The following TGM6 variants were observed in gnomAD, a reference collection of about 807,000 sequenced individuals.
The protein encoded by TGM6 is transglutaminase 6, also known as protein-glutamine gamma-glutamyltransferase 6.
In TGM6, 74 loss-of-function variants were observed where a neutral mutation model predicts 77.5. The ratio of observed to expected loss-of-function variants is 0.96; its 90% CI spans 0.79 to 1.16. The LOEUF (loss-of-function observed/expected upper bound fraction) is 1.16. Among genes scored for constraint, TGM6 ranks in the 50% most tolerant of loss-of-function variants. The pLI is 0.00. For synonymous variants in TGM6, 383 were observed against 378.9 expected (o/e 1.01, Z -0.12); for missense variants, 968 against 940.2 (o/e 1.03, Z -0.39).
intron 9 of TGM6, among the ~76,000 whole-genome samples, chr20:2,415,895 C>T (rs1291776364): frequency 1.3e-5 from 2 of 152,092 alleles, no homozygotes; most frequent in African/African-American, 4.8e-5. Context: ...AGTGGTGTAT[C>T]AGGGGCCCTA....
intron 9 of TGM6, among the ~76,000 whole-genome samples, chr20:2,411,399 T>C (rs899562312): frequency 5.3e-5 from 8 of 151,996 alleles, no homozygotes; most frequent in African/African-American, 1.9e-4. Context: ...CAAAATAACA[T>C]GATCATCTCA....
intron 10 of TGM6, among the ~76,000 whole-genome samples, chr20:2,427,901 A>C (rs1339247673): frequency 6.6e-6 from 1 of 152,166 alleles, no homozygotes; most frequent in African/African-American, 2.4e-5. Flanking sequence ...GACTACAGGC[A>C]CGTGCCCACA....
chr20:2,424,050 C>T (rs1002680711), intron 10 of TGM6, among the ~76,000 whole-genome samples: 7 of 152,176 alleles, frequency 4.6e-5, no homozygotes, highest in African/African-American at 1.7e-4. Flanking sequence ...ATCCTGGCTT[C>T]GTTGTTCCTT....
At chr20:2,390,882 A>C (rs1376465303) in intron 1 of TGM6, among the ~76,000 whole-genome samples, 1 of 152,116 alleles carries the variant, frequency 6.6e-6, no homozygotes, top group African/African-American at 2.4e-5. Context: ...GGCCCTGAAG[A>C]GGGAGCCTGT....
chr20:2,420,864 ATGT>A (rs58968824), intron 10 of TGM6, among the ~76,000 whole-genome samples: 48,424 of 151,766 alleles, frequency 0.32, 8,033 homozygotes, highest in South Asian at 0.44. Context: ...CATTATATGG[ATGT>A]ACACAGTTTA....
chr20:2,409,222 TC>T (rs1342692849), intron 9 of TGM6, among the ~76,000 whole-genome samples: 1 of 152,134 alleles, frequency 6.6e-6, no homozygotes, highest in Admixed American at 6.5e-5. Context: ...AATACATACG[TC>T]TAAATATCCA....
rs530468535 is a variant in TGM6 at position 2,398,752 on chromosome 20, G to A, written c.672+706G>A. On this transcript the variant is annotated intron_variant, in intron 5 of 12. Coordinates refer to ENST00000202625, the MANE Select transcript of TGM6 (RefSeq NM_198994.3). ...GAGTGGGACATAGACCCACCTCTCC[G>A]TGGGAGGCATGACAACTTTAACCTA... is the stretch of plus-strand genomic sequence containing the variant. Among the ~76,000 whole-genome samples, 22 of 152,170 alleles carry A rather than the reference G, an allele frequency of 1.4e-4. No individual in the cohort carries two copies. In the East Asian group the frequency reaches 2.9e-3, roughly 20 times the overall value.
intron 6 of TGM6, 121 bp from the exon 7 acceptor site, chr20:2,400,185 C>A: frequency 7.0e-7 from 1 of 1,419,444 alleles, no homozygotes; most frequent in Non-Finnish European, 9.7e-7. Context: ...ACTAGACACA[C>A]AGACAAAGAT....
intron 1 of TGM6, among the ~76,000 whole-genome samples, chr20:2,386,464 G>T (rs2422761): frequency 0.66 from 100,748 of 151,704 alleles, 33,771 homozygotes; most frequent in African/African-American, 0.71. Context: ...AAAAGAAGAA[G>T]TGTGTTCTAT....
intron 9 of TGM6, among the ~76,000 whole-genome samples, chr20:2,413,007 TC>T (rs1010315428): frequency 1.2e-4 from 18 of 152,158 alleles, no homozygotes; most frequent in African/African-American, 4.3e-4. Context: ...TGAGTTTTTT[TC>T]CCCCAAATTA....
chr20:2,413,240 C>T (rs2084795361), intron 9 of TGM6, among the ~76,000 whole-genome samples: 1 of 152,122 alleles, frequency 6.6e-6, no homozygotes, highest in Non-Finnish European at 1.5e-5. Flanking sequence ...ACATGGACGA[C>T]TTCATCTCTA....
At chr20:2,411,175 A>T (rs952966831) in intron 9 of TGM6, among the ~76,000 whole-genome samples, 10 of 152,194 alleles carry the variant, frequency 6.6e-5, no homozygotes, top group Non-Finnish European at 1.3e-4. Context: ...AGAAAACTAC[A>T]TATCTATCTC....
At chr20:2,431,166 CT>C (rs1327561533) in intron 12 of TGM6, 139 bp downstream of exon 12, 1 of 976,228 alleles carries the variant, frequency 1.0e-6, no homozygotes, top group Non-Finnish European at 1.5e-6. Flanking sequence ...ACATATCAGC[CT>C]TCATTCACTT....
At chr20:2,386,499 G>C (rs921816216) in intron 1 of TGM6, among the ~76,000 whole-genome samples, 1 of 152,132 alleles carries the variant, frequency 6.6e-6, no homozygotes, top group African/African-American at 2.4e-5. Flanking sequence ...GCAAAATAGG[G>C]ACAAATGGGG....
Position 2,430,516 on chromosome 20 carries a change from G to A in TGM6, c.1749G>A (p.Leu583=). ...ACCTGACAGAGGACAAGAAGATCCT[G>A]TTGGCTGCCATGTGCCTTGTCACCA... ...KEDLTEDKKI[L]LAAMCLVTKG... Residue 583 remains leucine (L), a synonymous_variant, in exon 11 of 13, where the codon CTG becomes CTA. Transcript: ENST00000202625. The A allele has an allele frequency of 6.2e-7, 1 of 1,614,214 alleles. No individual in the cohort carries two copies.
chr20:2,414,342 T>C (rs892193949), intron 9 of TGM6, among the ~76,000 whole-genome samples: 1 of 152,122 alleles, frequency 6.6e-6, no homozygotes, highest in Non-Finnish European at 1.5e-5. Context: ...ATTAGGAAAA[T>C]GCATGTCAAA....
At chr20:2,423,273 A>T (rs2084868414) in intron 10 of TGM6, among the ~76,000 whole-genome samples, 1 of 150,262 alleles carries the variant, frequency 6.7e-6, no homozygotes, top group Non-Finnish European at 1.5e-5. Context: ...GTAGTATGCG[A>T]TGGTGTTCGA....
At chr20:2,393,545 G>A (rs1374725619) in intron 1 of TGM6, among the ~76,000 whole-genome samples, 1 of 152,178 alleles carries the variant, frequency 6.6e-6, no homozygotes, top group Non-Finnish European at 1.5e-5. Flanking sequence ...ATGTTTGTTT[G>A]TTTTGAGAGG....
chr20:2,381,213 G>A (rs2084552460), intron 1 of TGM6, among the ~76,000 whole-genome samples: 1 of 152,162 alleles, frequency 6.6e-6, no homozygotes, highest in Admixed American at 6.5e-5. Context: ...CCTGGGCTGG[G>A]GCCAGGTCTC....
Sources: gnomAD v4.1 joint callset for allele counts (sites outside exome capture counted in the v4.1 genomes callset) on GRCh38, gnomAD v4.1.1 for gene constraint, MANE v1.5 for transcripts, NCBI Gene and HGNC (gene_info 2026-07-23, HGNC 2026-07-21) for gene names.